The following PXN variants were observed in gnomAD, a reference collection of about 807,000 sequenced individuals.
The protein encoded by PXN is paxillin.
In PXN, 61 loss-of-function variants were observed where a neutral mutation model predicts 103.6. That is an observed-to-expected ratio of 0.59 (90% confidence interval 0.48 to 0.73). The LOEUF (loss-of-function observed/expected upper bound fraction) is 0.73. Ranked by LOEUF, PXN falls within the 30% of genes least tolerant of loss-of-function variation. The pLI, the probability that PXN is intolerant of heterozygous loss-of-function variation, is 0.00. For synonymous variants in PXN, 562 were observed against 607.8 expected (o/e 0.92, Z 1.11); for missense variants, 1,274 against 1,460.3 (o/e 0.87, Z 2.08).
At chr12:120,264,646 C>G (rs1353495293) in intron 1 of PXN, among the ~76,000 whole-genome samples, 2 of 152,248 alleles carry the variant, frequency 1.3e-5, no homozygotes, top group African/African-American at 2.4e-5. Context: ...AAACTCTGTT[C>G]TGGGCATCCT....
At position 120,222,270 on chromosome 12, in the gene PXN, A is replaced by G. The variant is rs1322384494; in HGVS notation, c.695+279T>C. The stretch of plus-strand genomic sequence containing the variant: ...CTTGAGAGCTGACAGTAACTGTCAG[A>G]GCCAAGATGTGAACCCCACTGTGTG... On this transcript the variant is annotated intron_variant, in intron 5 of 14. Coordinates refer to ENST00000637617, the MANE Select transcript of PXN (RefSeq NM_001385981.1). The surrounding 1 kb of genome is among the most constrained non-coding windows in gnomAD (Gnocchi z 4.7). 6.6e-6 allele frequency among the ~76,000 whole-genome samples: 1 copy of G among 152,226 alleles called. No homozygotes were observed. The highest frequency in any genetic ancestry group is 1.5e-5 in the Non-Finnish European group (1 of 68,036).
chr12:120,259,893 C>T (rs1404494126), intron 1 of PXN, among the ~76,000 whole-genome samples: 2 of 152,230 alleles, frequency 1.3e-5, no homozygotes, highest in Admixed American at 1.3e-4. Context: ...TCCTCTCCCC[C>T]TCCCATAGGA....
Position 120,223,259 on chromosome 12 carries a change from C to T in PXN, c.357-260G>A, listed in dbSNP as rs1439629870. Reference sequence around the variant, plus strand: ...GAGATTGAGACCATCCTGGCTAACACGGTGAAACCCCGTCTCTACTAAAAA... The same window carrying T: ...GAGATTGAGACCATCCTGGCTAACATGGTGAAACCCCGTCTCTACTAAAAA... On this transcript the variant is annotated intron_variant, in intron 3 of 14. Coordinates refer to ENST00000637617, the MANE Select transcript of PXN (RefSeq NM_001385981.1). 5.9e-5 allele frequency among the ~76,000 whole-genome samples: 9 copies of T among 151,950 alleles called. 1 individual carries two copies. The South Asian group carries it at 6.2e-4, about 11-fold the overall frequency.
chr12:120,237,424 A>T (rs1351594415), intron 1 of PXN, among the ~76,000 whole-genome samples: 1 of 152,146 alleles, frequency 6.6e-6, no homozygotes, highest in African/African-American at 2.4e-5. Flanking sequence ...AATAAACTGA[A>T]GTGGGTTCAA....
chr12:120,230,606 G>A (rs1887812729), intron 1 of PXN, among the ~76,000 whole-genome samples: 1 of 152,126 alleles, frequency 6.6e-6, no homozygotes, highest in Non-Finnish European at 1.5e-5. Context: ...AAGGAAAACA[G>A]AACGGGAAGG....
rs1247914140 is a variant in PXN at position 120,219,213 on chromosome 12, A to G, written c.1710T>C (p.Ser570=). Residue 570 remains serine, a synonymous_variant, in exon 7 of 15, where the codon TCT becomes TCC. Transcript: ENST00000637617. This position sits in a 1 kb window ranked among gnomAD's most constrained non-coding sequence, Gnocchi z 6.5. ...TPSTTERIST[S]GQIRSVIRRS... ...CATGCGAGCTGGTGCCTGCCTGGCC[A>G]GAGGTGGAAATCCTCTCCGTGGTGC... The G allele has an allele frequency of 1.9e-6, 3 of 1,571,440 alleles. No individual in the cohort carries two copies. The highest frequency in any genetic ancestry group is 2.3e-5 in the East Asian group (1 of 44,362).
At chr12:120,240,674 C>T (rs1390031378) in intron 1 of PXN, among the ~76,000 whole-genome samples, 2 of 152,174 alleles carry the variant, frequency 1.3e-5, no homozygotes, top group Admixed American at 1.3e-4. Flanking sequence ...GAGTCCAGTC[C>T]AAAAGCTGGC....
Position 120,217,120 on chromosome 12 carries a change from G to A in PXN, c.1717-4C>T. 6.4e-7 allele frequency: 1 copy of A among 1,573,560 alleles called. No homozygotes were observed. Among genetic ancestry groups the A allele is most frequent in the South Asian group, 1.1e-5 (1 of 87,122 alleles). On this transcript the variant is annotated splice_polypyrimidine_tract_variant and splice_region_variant and intron_variant, in intron 7 of 14. Coordinates refer to ENST00000637617, the MANE Select transcript of PXN (RefSeq NM_001385981.1). The surrounding 1 kb of genome is among the most constrained non-coding windows in gnomAD (Gnocchi z 4.1). ...TCCTCCTGATCACAGATCGGATCTA[G>A]GGGGAGGGGGAGGGGAGGCTGTCAC...
chr12:120,219,847 T>G lies in PXN; in HGVS notation c.1076A>C (p.Asp359Ala). Residue 359 changes from aspartate to alanine, a missense_variant, in exon 7 of 15, where the codon GAC becomes GCC. By Grantham distance (126) the Asp-to-Ala change is moderately radical. This residue lies in a region of PXN where 1,178 missense variants were observed against 1,309.0 expected (regional missense o/e 0.90). Coordinates refer to ENST00000637617, the MANE Select transcript of PXN (RefSeq NM_001385981.1). The surrounding 1 kb of genome is among the most constrained non-coding windows in gnomAD (Gnocchi z 6.5). ...LDLAGLGVMP[D>A]TFNSRSPSVE... The stretch of plus-strand genomic sequence containing the variant: ...AGAGGGAGACCTTGAGTTGAAGGTG[T>G]CAGGCATCACCCCAAGACCAGCCAA... 1 of 1,598,204 alleles carries G rather than the reference T, an allele frequency of 6.3e-7. No homozygotes were observed. Among genetic ancestry groups the G allele is most frequent in the Non-Finnish European group, 8.5e-7 (1 of 1,179,738 alleles).
intron 1 of PXN, among the ~76,000 whole-genome samples, chr12:120,242,944 C>G (rs1406803759): frequency 6.6e-6 from 1 of 151,830 alleles, no homozygotes; most frequent in Admixed American, 6.6e-5. Flanking sequence ...CCAGCCCCAT[C>G]TCAGCTATCG....
At position 120,212,670 on chromosome 12, in the gene PXN, G is replaced by A. The variant is rs1011178938; in HGVS notation, c.2980-90C>T. 39 of 1,462,716 alleles carry A rather than the reference G, an allele frequency of 2.7e-5. No individual in the cohort carries two copies. The highest frequency in any genetic ancestry group is 4.6e-4 in the Middle Eastern group (2 of 4,394). 90.6% of individuals were successfully genotyped at this position (1,462,716 alleles called of 1,614,324 possible). ...GGGCCGAGGTGGGCATAGTCGGCAC[G>A]CTCGGAGTGACTCCTACTTGCTAGG... is the stretch of plus-strand genomic sequence containing the variant. On this transcript the variant is annotated intron_variant, in intron 14 of 14. Transcript: ENST00000637617. The surrounding 1 kb of genome is among the most constrained non-coding windows in gnomAD (Gnocchi z 7.2).
intron 1 of PXN, among the ~76,000 whole-genome samples, chr12:120,239,486 G>C (rs937766744): frequency 6.6e-6 from 1 of 152,046 alleles, no homozygotes; most frequent in Non-Finnish European, 1.5e-5. Context: ...GGAGGCTGAG[G>C]CAGGAGAATC....
chr12:120,263,880 G>C (rs915797687), intron 1 of PXN, among the ~76,000 whole-genome samples: 1 of 152,104 alleles, frequency 6.6e-6, no homozygotes, highest in Non-Finnish European at 1.5e-5. Flanking sequence ...GAAACAGCAC[G>C]GGGACTGCCG....
rs1885023404 is a variant in PXN, at chr12:120,221,127, G to GCAAGC, written c.831+495_831+496insGCTTG. Among the ~76,000 whole-genome samples, 1 of 152,182 alleles carries GCAAGC rather than the reference G, an allele frequency of 6.6e-6. No homozygotes were observed. Among genetic ancestry groups the GCAAGC allele is most frequent in the South Asian group, 2.1e-4 (1 of 4,834 alleles). ...GAGAGGGAAGGATGGGAGAAGAGTA[G>GCAAGC]CAAGGGAGGCTTGTGGATTCAGGAT... is the stretch of plus-strand genomic sequence containing the variant. On this transcript the variant is annotated intron_variant, in intron 6 of 14. Transcript: ENST00000637617. The surrounding 1 kb of genome is among the most constrained non-coding windows in gnomAD (Gnocchi z 6.6).
At chr12:120,242,440 C>T (rs1189551793) in intron 1 of PXN, among the ~76,000 whole-genome samples, 1 of 152,038 alleles carries the variant, frequency 6.6e-6, no homozygotes, top group Non-Finnish European at 1.5e-5. Flanking sequence ...TCAGAGGAAC[C>T]AGATCCTTCC....
In PXN at chr12:120,219,390, C is replaced by G. The variant is rs1279001840; in HGVS notation, c.1533G>C (p.Gln511His). 6.3e-7 allele frequency: 1 copy of G among 1,598,424 alleles called. No individual in the cohort carries two copies. The highest frequency in any genetic ancestry group is 2.2e-5 in the East Asian group (1 of 44,880). The part of the protein sequence containing the change: ...SSSPASVTTE[Q>H]LGAKMTERGS... ...CCCTCTCGGTCATCTTTGCACCTAGCTGCTCCGTGGTAACTGAGGCAGGGG... is the reference window on the plus strand; with the variant it reads ...CCCTCTCGGTCATCTTTGCACCTAGGTGCTCCGTGGTAACTGAGGCAGGGG... The change falls in exon 7 of 15, where the codon CAG (glutamine) becomes CAC (histidine). Residue 511 changes from glutamine to histidine, a missense_variant. Gln to His is a conservative substitution (Grantham distance 24, BLOSUM62 0). Transcript: ENST00000637617. This position sits in a 1 kb window ranked among gnomAD's most constrained non-coding sequence, Gnocchi z 6.5.
chr12:120,259,805 G>A (rs1216753515), intron 1 of PXN, among the ~76,000 whole-genome samples: 1 of 152,220 alleles, frequency 6.6e-6, no homozygotes. Context: ...CATCCCAGGT[G>A]AGGAGGGCAC....
At chr12:120,251,241 G>A (rs945611163) in intron 1 of PXN, among the ~76,000 whole-genome samples, 16 of 151,240 alleles carry the variant, frequency 1.1e-4, no homozygotes, top group African/African-American at 3.4e-4. Context: ...AATAAGGCCC[G>A]GCATGGTGGC....
Position 120,211,760 on chromosome 12 carries a change from C to T in PXN, c.*554G>A. ...GCAGGGGCAGTCGCCAGGCCTAGGG[C>T]ACTGGAAGGGTAGGAGGAGCACAGA... On this transcript the variant is annotated 3_prime_UTR_variant, in exon 15 of 15. Transcript: ENST00000637617. 2.7e-6 allele frequency: 1 copy of T among 372,420 alleles called. No individual in the cohort carries two copies. The highest frequency in any genetic ancestry group is 5.4e-6 in the Non-Finnish European group (1 of 184,968). 23.1% of individuals were successfully genotyped at this position (372,420 alleles called of 1,614,324 possible).
Sources: allele counts gnomAD v4.1 joint callset (sites outside exome capture counted in the v4.1 genomes callset), GRCh38; gene constraint gnomAD v4.1.1; regional missense constraint gnomAD v4.1.1; non-coding constraint Gnocchi (gnomAD v3.1); transcripts MANE v1.5; gene names NCBI Gene and HGNC (gene_info 2026-07-23, HGNC 2026-07-21).